MROH2B: variants seen among roughly 807,000 people sequenced by gnomAD.
MROH2B encodes maestro heat-like repeat-containing protein family member 2B.
A neutral mutation model predicts 208.6 loss-of-function variants in MROH2B; 177 were observed. That is an observed-to-expected ratio of 0.85 (90% CI 0.75 to 0.96). The LOEUF is 0.96. MROH2B is among the 40% of genes least tolerant of loss of function. The pLI is 0.00. For synonymous variants in MROH2B, 728 were observed against 659.0 expected (o/e 1.10, Z -1.60); for missense variants, 2,002 against 1,878.7 (o/e 1.07, Z -1.21).
rs371893901 is a variant in MROH2B, at chr5:41,042,465, TC to T, written c.1837-258del. 6.0e-3 allele frequency among the ~76,000 whole-genome samples: 916 copies of T among 152,334 alleles called. 10 individuals are homozygous for T. The highest frequency in any genetic ancestry group is 0.021 in the African/African-American group (882 of 41,568). On this transcript the variant is annotated intron_variant, in intron 18 of 41. Coordinates refer to ENST00000399564, the MANE Select transcript of MROH2B (RefSeq NM_173489.5). Reference sequence around the variant, plus strand: ...CACCCCCCATTGTAATTTTTTATTTTCTTGCTTGTCTCCATGCTTAGGATTT... The same window carrying T: ...CACCCCCCATTGTAATTTTTTATTTTTTGCTTGTCTCCATGCTTAGGATTT...
chr5:41,018,107 A>G, intron 27 of MROH2B, 137 bp from the exon 28 acceptor site: 2 of 1,263,978 alleles, frequency 1.6e-6, no homozygotes, highest in Non-Finnish European at 2.1e-6. Context: ...ACTTTCTCCT[A>G]AAAGATGCCT....
At chr5:41,033,805 C>CTATT (rs763443358) in intron 22 of MROH2B, 33 bp downstream of exon 22, 1 of 1,282,280 alleles carries the variant, frequency 7.8e-7, no homozygotes, top group Non-Finnish European at 1.1e-6. Flanking sequence ...ATCTATCTAT[C>CTATT]TATCTATCTA....
Position 41,069,066 on chromosome 5 carries a change from C to A in MROH2B, c.90+625G>T, listed in dbSNP as rs1743898842. Among the ~76,000 whole-genome samples the A allele has an allele frequency of 1.3e-5, 2 of 152,050 alleles. 1 individual carries two copies. The highest frequency in any genetic ancestry group is 4.2e-4 in the South Asian group (2 of 4,818). ...AGATGGGCTTGCTTTTGGATATAGT[C>A]CTGTTGTTCTTAGTTGAGCAAGTCA... On this transcript the variant is annotated intron_variant, in intron 2 of 41. Transcript: ENST00000399564.
At chr5:41,005,190 G>A in intron 35 of MROH2B, 1 of 533,080 alleles carries the variant, frequency 1.9e-6, no homozygotes, top group African/African-American at 1.9e-5. Flanking sequence ...AAACAGGAAT[G>A]ACTGATAGTT....
chr5:41,025,744 T>C (rs1159522417), intron 24 of MROH2B, among the ~76,000 whole-genome samples: 1 of 152,114 alleles, frequency 6.6e-6, no homozygotes, highest in Non-Finnish European at 1.5e-5. Flanking sequence ...AAAAGAGAAT[T>C]TTAGACCAAT....
Position 41,047,733 on chromosome 5 carries a change from G to A in MROH2B, c.1716C>T (p.Thr572=), listed in dbSNP as rs748849183. 9 of 1,595,448 alleles carry A rather than the reference G, an allele frequency of 5.6e-6. No homozygotes were observed. The highest frequency in any genetic ancestry group is 7.7e-6 in the Non-Finnish European group (9 of 1,170,236). The stretch of plus-strand genomic sequence containing the variant: ...AAGCCAGCCTTACCTGAAGCAGCAT[G>A]GTTTCCCATAGAACGGTACTGATGT... ...GKNISTVLWE[T]MLLQLLKESL... is the part of the protein sequence containing the mutation. Residue 572 remains threonine (T), a synonymous_variant, in exon 17 of 42, where the codon ACC becomes ACT. Coordinates refer to ENST00000399564, the MANE Select transcript of MROH2B (RefSeq NM_173489.5).
intron 18 of MROH2B, among the ~76,000 whole-genome samples, chr5:41,044,186 G>A (rs929113123): frequency 1.3e-5 from 2 of 151,150 alleles, no homozygotes; most frequent in Non-Finnish European, 1.5e-5. Flanking sequence ...GGAGGCAGAG[G>A]TTGCAGTGGT....
intron 5 of MROH2B, among the ~76,000 whole-genome samples, chr5:41,062,997 G>T (rs1293467036): frequency 6.6e-6 from 1 of 152,132 alleles, no homozygotes; most frequent in African/African-American, 2.4e-5. Context: ...AGGTATGGAT[G>T]AATGGCTGGA....
At position 41,042,240 on chromosome 5, in the gene MROH2B, A is replaced by T. The variant is rs757219195; in HGVS notation, c.1837-32T>A. On this transcript the variant is annotated intron_variant, in intron 18 of 41. Coordinates refer to ENST00000399564, the MANE Select transcript of MROH2B (RefSeq NM_173489.5). ...AACAAAAGATAAGCAACAGGATTTT[A>T]AGGGTTGGAAAGCAAGACTCTGATG... is the stretch of plus-strand genomic sequence containing the variant. The T allele has an allele frequency of 3.0e-6, 4 of 1,315,624 alleles. No individual in the cohort carries two copies. In the African/African-American group the frequency reaches 4.3e-5, roughly 14 times the overall value. The allele number at this position is 1,315,624 out of a possible 1,614,324, so 81.5% of individuals were successfully genotyped here.
rs188964357 is a variant in MROH2B at position 41,065,323 on chromosome 5, C to T, written c.361+8G>A. On this transcript the variant is annotated splice_region_variant and intron_variant, in intron 4 of 41. Transcript: ENST00000399564. ...CCCAGGGAAAATTGGAGAATATTCC[C>T]GCTATACCATAGCTGGTTGCCAATT... 4.3e-5 allele frequency: 69 copies of T among 1,606,146 alleles called. No individual in the cohort carries two copies. In the Middle Eastern group the frequency reaches 6.6e-4, roughly 15 times the overall value.
rs147129685 is a variant in MROH2B, at chr5:41,058,614, T to C, written c.616-411A>G. On this transcript the variant is annotated intron_variant, in intron 6 of 41. Coordinates refer to ENST00000399564, the MANE Select transcript of MROH2B (RefSeq NM_173489.5). The stretch of plus-strand genomic sequence containing the variant: ...CTGGGATTACAGGTGCCCACCAGCA[T>C]GCCTGGCTAATTTTTGTAATACTAG... 5.7e-3 allele frequency among the ~76,000 whole-genome samples: 867 copies of C among 152,264 alleles called. 6 individuals carry two copies. Among genetic ancestry groups the C allele is most frequent in the African/African-American group, 0.02 (829 of 41,578 alleles).
In MROH2B at chr5:41,018,539, CACAA is replaced by C. The variant is rs954613857; in HGVS notation, c.2674-113_2674-110del. On this transcript the variant is annotated intron_variant, in intron 26 of 41. Transcript: ENST00000399564. ...TTTTGTAACACGGTGCTCACCTCCC[CACAA>C]ACAATTTTTAAGTAGATGGCTGTAT... is the stretch of plus-strand genomic sequence containing the variant. 9 of 1,446,386 alleles carry C rather than the reference CACAA, an allele frequency of 6.2e-6. No individual in the cohort carries two copies. In the Admixed American group the frequency reaches 1.6e-4, roughly 26 times the overall value. The allele number at this position is 1,446,386 out of a possible 1,614,324, so 89.6% of individuals were successfully genotyped here. A position where few individuals can be genotyped will look rare whatever the true frequency, so the allele number is the denominator to read the frequency against.
At chr5:40,998,855 C>T (rs1262203962) in intron 40 of MROH2B, among the ~76,000 whole-genome samples, 178 bp from the exon 41 acceptor site, 3 of 152,130 alleles carry the variant, frequency 2.0e-5, no homozygotes, top group East Asian at 1.9e-4. Flanking sequence ...TATTGGGTCC[C>T]GAGTGCCATG....
Position 41,070,754 on chromosome 5 carries a change from A to G in MROH2B, c.28+71T>C, listed in dbSNP as rs1743964343. 3.3e-6 allele frequency: 5 copies of G among 1,523,994 alleles called. No homozygotes were observed. In the African/African-American group the frequency reaches 4.1e-5, roughly 13 times the overall value. 94.4% of individuals were successfully genotyped at this position (1,523,994 alleles called of 1,614,324 possible). A position where few individuals can be genotyped will look rare whatever the true frequency, so the allele number is the denominator to read the frequency against. On this transcript the variant is annotated intron_variant, in intron 1 of 41. Coordinates refer to ENST00000399564, the MANE Select transcript of MROH2B (RefSeq NM_173489.5). ...ATGACGCGCCACTCCCAGCCCTCAT[A>G]TATACTTATAATTCCACAGAAACAA...
At chr5:41,016,488 C>T (rs1741952363) in intron 28 of MROH2B, among the ~76,000 whole-genome samples, 2 of 139,794 alleles carry the variant, frequency 1.4e-5, no homozygotes, top group African/African-American at 2.6e-5. Context: ...ATTTCTGTTA[C>T]TACTGTAATG....
intron 6 of MROH2B, among the ~76,000 whole-genome samples, chr5:41,058,468 A>AT (rs1041292642): frequency 6.6e-6 from 1 of 151,668 alleles, no homozygotes. Flanking sequence ...ATTTTATTGT[A>AT]TTTTTTTGAA....
chr5:41,052,704 C>G, intron 11 of MROH2B, 117 bp from the exon 12 acceptor site: 6 of 990,630 alleles, frequency 6.1e-6, no homozygotes, highest in Non-Finnish European at 8.4e-6. Context: ...GAAAAAGGAA[C>G]ATAAATTGAA....
At chr5:41,042,874 G>A (rs1742998873) in intron 18 of MROH2B, among the ~76,000 whole-genome samples, 1 of 152,184 alleles carries the variant, frequency 6.6e-6, no homozygotes, top group South Asian at 2.1e-4. Context: ...TGAAGTGCTG[G>A]GATTTCAGGT....
chr5:41,038,295 T>G (rs577286684), intron 21 of MROH2B, among the ~76,000 whole-genome samples: 1 of 152,108 alleles, frequency 6.6e-6, no homozygotes, highest in African/African-American at 2.4e-5. Context: ...AGTACAGGAG[T>G]AACTGTTTTA....
Sources: gnomAD v4.1 joint callset for allele counts (sites outside exome capture counted in the v4.1 genomes callset) on GRCh38, gnomAD v4.1.1 for gene constraint, MANE v1.5 for transcripts, NCBI Gene and HGNC (gene_info 2026-07-23, HGNC 2026-07-21) for gene names.